ABCB10: variants seen among roughly 807,000 people sequenced by gnomAD.
The protein encoded by ABCB10 is ATP-binding cassette sub-family B member 10, mitochondrial.
Under a neutral mutation model 65.4 loss-of-function variants are expected in ABCB10, and 54 were observed. That is an observed-to-expected ratio of 0.83 (90% CI 0.66 to 1.04). ABCB10 has a LOEUF of 1.04. ABCB10 is among the 50% of genes least tolerant of loss of function. The pLI is 0.00. For missense variants in ABCB10, 846 were observed against 976.6 expected, an observed-to-expected ratio of 0.87 and a Z score of 1.78; for synonymous variants, 418 against 406.5, an observed-to-expected ratio of 1.03 and a Z score of -0.34.
In ABCB10 at chr1:229,526,122, A is replaced by G; in HGVS notation, c.1726-6T>C. On this transcript the variant is annotated splice_polypyrimidine_tract_variant and splice_region_variant and intron_variant, in intron 9 of 12. Coordinates refer to ENST00000344517, the MANE Select transcript of ABCB10 (RefSeq NM_012089.3). ...CAAGAAAACAAAATGGGTTCCTACAAATTGGAAATAAAACATATCACGAAT... is the reference window on the plus strand; with the variant it reads ...CAAGAAAACAAAATGGGTTCCTACAGATTGGAAATAAAACATATCACGAAT... The G allele has an allele frequency of 1.2e-6, 2 of 1,606,768 alleles. No homozygotes were observed. The highest frequency in any genetic ancestry group is 1.7e-6 in the Non-Finnish European group (2 of 1,176,786).
chr1:229,524,479 G>C (rs529935889), intron 10 of ABCB10, among the ~76,000 whole-genome samples: 46 of 151,914 alleles, frequency 3.0e-4, no homozygotes, highest in African/African-American at 1.1e-3. Context: ...TTGTTATCTT[G>C]CAAGGAAACA....
chr1:229,542,776 C>A (rs1013614627), intron 3 of ABCB10, among the ~76,000 whole-genome samples: 6 of 151,838 alleles, frequency 4.0e-5, no homozygotes, highest in Admixed American at 3.3e-4. Context: ...CACCTGCAGG[C>A]ACTGAACAAC....
chr1:229,542,216 C>A, intron 4 of ABCB10, 21 bp downstream of exon 4: 2 of 1,611,912 alleles, frequency 1.2e-6, no homozygotes, highest in Non-Finnish European at 1.7e-6. Flanking sequence ...GGAAACCACG[C>A]GGACAGGAAG....
At position 229,558,645 on chromosome 1, in the gene ABCB10, C is replaced by A; in HGVS notation, c.8G>T (p.Gly3Val). Residue 3 changes from glycine (G) to valine (V), a missense_variant, in exon 1 of 13, where the codon GGC (glycine) becomes GTC (valine). By Grantham distance (109) the Gly-to-Val change is moderately radical (BLOSUM62 -3). Around this residue, in one of 2 missense-constraint regions of ABCB10, gnomAD observed 214 missense variants for 173.5 expected, o/e 1.23. Transcript: ENST00000344517. MR[G>V]PPAWPLRLLE... ...CAGCCGCAGCGGCCAGGCAGGGGGG[C>A]CTCGCATGGCGCTGCGTGCGACCCG... 1 of 1,360,038 alleles carries A rather than the reference C, an allele frequency of 7.4e-7. No homozygotes were observed. The highest frequency in any genetic ancestry group is 2.7e-4 in the Middle Eastern group (1 of 3,644). The allele number at this position is 1,360,038 out of a possible 1,614,324, so 84.2% of individuals were successfully genotyped here.
chr1:229,540,880 A>G, intron 4 of ABCB10, 128 bp from the exon 5 acceptor site: 1 of 1,103,564 alleles, frequency 9.1e-7, no homozygotes, highest in Admixed American at 3.0e-5. Context: ...TAGTGATAGT[A>G]AGAAGTGAGA....
rs775098155 is a variant in ABCB10, at chr1:229,542,367, A to G, written c.926T>C (p.Phe309Ser). ...AAAGGTGGCCAGATTAGGTGAGACA[A>G]AAAACTGTCAAAAACAAAAAAAAAT... is the stretch of plus-strand genomic sequence containing the variant. ...QASVGISMMFFVSPNLATFVL... is the reference protein window; with the variant it reads ...QASVGISMMFSVSPNLATFVL... The change falls in exon 4 of 13, where the codon TTT becomes TCT. Residue 309 changes from phenylalanine (F) to serine (S), a missense_variant. Around this residue, in one of 2 missense-constraint regions of ABCB10, gnomAD observed 632 missense variants for 803.2 expected, o/e 0.79. Transcript: ENST00000344517. 1 of 1,607,704 alleles carries G rather than the reference A, an allele frequency of 6.2e-7. No individual in the cohort carries two copies. The highest frequency in any genetic ancestry group is 1.1e-5 in the South Asian group (1 of 89,582).
chr1:229,530,099 A>G, intron 8 of ABCB10, 100 bp downstream of exon 8: 1 of 1,192,548 alleles, frequency 8.4e-7, no homozygotes, highest in South Asian at 1.3e-5. Flanking sequence ...GGTACTCTAC[A>G]AAATAAGGTA....
At chr1:229,530,461 A>G in intron 7 of ABCB10, 53 bp from the exon 8 acceptor site, 1 of 1,590,944 alleles carries the variant, frequency 6.3e-7, no homozygotes, top group Non-Finnish European at 8.6e-7. Flanking sequence ...TAAACTCAAA[A>G]GCTGAACTCG....
intron 12 of ABCB10, 77 bp from the exon 13 acceptor site, chr1:229,518,487 T>C (rs1662230429): frequency 3.3e-6 from 4 of 1,195,766 alleles, no homozygotes; most frequent in South Asian, 1.3e-5. Flanking sequence ...ACAGCAGCCC[T>C]TCCTGAGCAA....
chr1:229,558,280 C>T lies in ABCB10; in HGVS notation c.373G>A (p.Ala125Thr). The change falls in exon 1 of 13, where the codon GCT (alanine) becomes ACT (threonine). Residue 125 changes from alanine (A) to threonine (T), a missense_variant. Coordinates refer to ENST00000344517, the MANE Select transcript of ABCB10 (RefSeq NM_012089.3). Reference protein sequence around the residue: ...RARFPGGPAAAAWAGDEAWRR... With the variant: ...RARFPGGPAATAWAGDEAWRR... The stretch of plus-strand genomic sequence containing the variant: ...CAGGCCTCGTCCCCTGCCCAGGCAG[C>T]GGCTGCGGGACCGCCCGGGAACCGG... The T allele has an allele frequency of 8.0e-7, 1 of 1,252,542 alleles. No homozygotes were observed. The highest frequency in any genetic ancestry group is 1.0e-6 in the Non-Finnish European group (1 of 1,001,454). 77.6% of individuals were successfully genotyped at this position (1,252,542 alleles called of 1,614,324 possible).
intron 7 of ABCB10, among the ~76,000 whole-genome samples, chr1:229,530,900 G>A (rs1363943695): frequency 1.3e-5 from 2 of 152,222 alleles, no homozygotes; most frequent in East Asian, 1.9e-4. Context: ...AACTGGAGGG[G>A]TCAGAGGTCT....
chr1:229,534,174 C>T (rs556911914), intron 6 of ABCB10, among the ~76,000 whole-genome samples: 16 of 152,290 alleles, frequency 1.1e-4, no homozygotes, highest in Admixed American at 6.5e-4. Flanking sequence ...TATGAACAGA[C>T]GCTCAACATC....
chr1:229,556,755 G>C (rs771292358), intron 1 of ABCB10, among the ~76,000 whole-genome samples: 1 of 152,158 alleles, frequency 6.6e-6, no homozygotes, highest in Non-Finnish European at 1.5e-5. Context: ...GTCACATACA[G>C]AAGTGGTGGG....
Position 229,527,300 on chromosome 1 carries a change from T to TA in ABCB10, c.1653dup (p.Ser552Ter), listed in dbSNP as rs1399645574. 1 of 1,574,570 alleles carries TA rather than the reference T, an allele frequency of 6.4e-7. No individual in the cohort carries two copies. The highest frequency in any genetic ancestry group is 2.3e-5 in the East Asian group (1 of 43,484). ...TGACGGATGTCATGGCCATCAAGAC[T>TA]AATAGTTCCTTGTTGAGAGGAAAGG... On this transcript the variant is annotated frameshift_variant, in exon 9 of 13. Coordinates refer to ENST00000344517, the MANE Select transcript of ABCB10 (RefSeq NM_012089.3). LOFTEE classifies it high-confidence loss of function.
chr1:229,518,732 A>G (rs1662234583), intron 12 of ABCB10, 109 bp downstream of exon 12: 1 of 1,031,208 alleles, frequency 9.7e-7, no homozygotes, highest in Admixed American at 2.5e-5. Context: ...AAAGGGGGGA[A>G]AAAGGATTTT....
chr1:229,543,985 A>G (rs367712228), intron 3 of ABCB10, among the ~76,000 whole-genome samples: 9 of 152,358 alleles, frequency 5.9e-5, no homozygotes, highest in East Asian at 5.8e-4. Context: ...TCCTCTGTGT[A>G]GGGCAGGCAC....
intron 8 of ABCB10, 48 bp downstream of exon 8, chr1:229,530,151 C>G: frequency 6.3e-7 from 1 of 1,593,316 alleles, no homozygotes; most frequent in East Asian, 2.2e-5. Flanking sequence ...AAAGTGGGAG[C>G]AGAGCTCGGG....
At chr1:229,518,607 T>G (rs1414326824) in intron 12 of ABCB10, among the ~76,000 whole-genome samples, 197 bp from the exon 13 acceptor site, 3 of 151,990 alleles carry the variant, frequency 2.0e-5, no homozygotes, top group African/African-American at 7.2e-5. Context: ...GCTTACAGAG[T>G]GATTAGGATT....
In ABCB10 at chr1:229,558,612, G is replaced by A; in HGVS notation, c.41C>T (p.Pro14Leu). ...PPAWPLRLLE[P>L]PSPAEPGRLL... ...CCGACCTGGCTCGGCAGGGCTCGGT[G>A]GCTCGAGCAGCCGCAGCGGCCAGGC... The change falls in exon 1 of 13, where the codon CCA (proline) becomes CTA (leucine). Residue 14 changes from proline (P) to leucine (L), a missense_variant. Around this residue, in one of 2 missense-constraint regions of ABCB10, gnomAD observed 214 missense variants for 173.5 expected, o/e 1.23. Coordinates refer to ENST00000344517, the MANE Select transcript of ABCB10 (RefSeq NM_012089.3). The A allele has an allele frequency of 1.4e-6, 2 of 1,421,234 alleles. No homozygotes were observed. The highest frequency in any genetic ancestry group is 1.5e-5 in the African/African-American group (1 of 66,800). 88.0% of individuals were successfully genotyped at this position (1,421,234 alleles called of 1,614,324 possible).
Sources: gnomAD v4.1 joint callset for allele counts (sites outside exome capture counted in the v4.1 genomes callset) on GRCh38, gnomAD v4.1.1 for gene constraint, gnomAD v4.1.1 regional missense constraint, MANE v1.5 for transcripts, NCBI Gene and HGNC (gene_info 2026-07-23, HGNC 2026-07-21) for gene names.